ZNF138: variants seen among roughly 807,000 people sequenced by gnomAD.
ZNF138 encodes zinc finger protein 138, also known as zinc finger protein 138 (clone pHZ-32).
In ZNF138, 33 loss-of-function variants were observed where a neutral mutation model predicts 33.0. The observed-to-expected ratio is 1.00, with a 90% confidence interval of 0.76 to 1.34. The LOEUF is 1.34. Among genes scored for constraint, ZNF138 ranks in the 40% most tolerant of loss-of-function variants. ZNF138 has a pLI of 0.00. For synonymous variants in ZNF138, 139 were observed against 120.4 expected (o/e 1.15, Z -1.01); for missense variants, 360 against 370.8 (o/e 0.97, Z 0.24).
chr7:64,834,360 C>T (rs145220899), downstream of ZNF138, among the ~76,000 whole-genome samples: 234 of 152,202 alleles, frequency 1.5e-3, no homozygotes, highest in African/African-American at 5.4e-3. Flanking sequence ...ATATCTAAGG[C>T]ACTGACACTT....
the ZNF138 span, among the ~76,000 whole-genome samples, chr7:64,842,080 A>T: frequency 6.6e-6 from 1 of 152,144 alleles, no homozygotes; most frequent in Non-Finnish European, 1.5e-5. Flanking sequence ...TTATTTATTT[A>T]TGAAATGGAA....
intron 3 of ZNF138, among the ~76,000 whole-genome samples, chr7:64,825,128 C>G (rs1278582859): frequency 8.1e-6 from 1 of 123,000 alleles, no homozygotes; most frequent in Non-Finnish European, 1.6e-5. Flanking sequence ...TAAAATGAGT[C>G]TCTTGTAGGC....
chr7:64,799,602 T>C (rs1285472042), intron 1 of ZNF138, among the ~76,000 whole-genome samples: 1 of 151,964 alleles, frequency 6.6e-6, no homozygotes, highest in Non-Finnish European at 1.5e-5. Context: ...TGTTTTATTA[T>C]TTTTGTGGCA....
chr7:64,846,662 G>A, the ZNF138 span, among the ~76,000 whole-genome samples: 1 of 152,116 alleles, frequency 6.6e-6, no homozygotes. Context: ...CTTTTTGGAG[G>A]AGTCTTTAGT....
At chr7:64,828,181 G>GT (rs1427086661) in intron 3 of ZNF138, among the ~76,000 whole-genome samples, 3 of 6,556 alleles carry the variant, frequency 4.6e-4, no homozygotes, top group East Asian at 7.0e-3. Flanking sequence ...TCATAATTCT[G>GT]GTTTTTTTTT....
chr7:64,835,588 G>A (rs902565201), downstream of ZNF138: 1 of 151,586 alleles, frequency 6.6e-6, no homozygotes, highest in Non-Finnish European at 1.5e-5. Flanking sequence ...TTGTAAATTG[G>A]TCTCAACTAC....
chr7:64,814,475 T>A (rs1274275807), intron 1 of ZNF138, among the ~76,000 whole-genome samples: 2 of 152,150 alleles, frequency 1.3e-5, no homozygotes, highest in Non-Finnish European at 2.9e-5. Context: ...CTGTTAAAAA[T>A]TATTTTATGG....
chr7:64,853,175 C>T, the ZNF138 span: 5 of 1,567,456 alleles, frequency 3.2e-6, no homozygotes, highest in South Asian at 2.2e-5. Flanking sequence ...CAAGCCTTGG[C>T]ATAAAGGCTC....
intron 3 of ZNF138, among the ~76,000 whole-genome samples, chr7:64,828,924 T>G (rs1446697825): frequency 1.3e-5 from 2 of 152,176 alleles, no homozygotes; most frequent in Non-Finnish European, 2.9e-5. Flanking sequence ...CATTGAGCAG[T>G]ATGGATATAT....
rs765032249 is a variant in ZNF138 at position 64,831,827 on chromosome 7, C to G, written c.585C>G (p.Tyr195Ter). ...AAATTCATACTAGAGAGAATTTCTACAAATGTGAAGAGTGTGGAAAAACCT... is the reference window on the plus strand; with the variant it reads ...AAATTCATACTAGAGAGAATTTCTAGAAATGTGAAGAGTGTGGAAAAACCT... ...HKKIHTRENF[Y>*]KCEECGKTFN... Residue 195 changes from tyrosine (Y) to a stop codon, truncating the protein, a stop_gained, in exon 4 of 4, where the codon TAC (tyrosine) becomes TAG (stop). Transcript: ENST00000307355. LOFTEE classifies it high-confidence loss of function. 4.3e-6 allele frequency: 7 copies of G among 1,613,404 alleles called. No individual in the cohort carries two copies. The East Asian group carries it at 1.6e-4, about 36-fold the overall frequency.
rs374958623 is a variant in ZNF138, at chr7:64,808,901, G to A, written c.4-6017G>A. 1.2e-4 allele frequency among the ~76,000 whole-genome samples: 17 copies of A among 139,680 alleles called. No individual in the cohort carries two copies. In the South Asian group the frequency reaches 3.2e-3, roughly 26 times the overall value. The allele number at this position is 139,680 out of a possible 152,430, so 91.6% of individuals were successfully genotyped here. ...TGTTTCAGAGAGCACAGGGTTGGGG[G>A]TAAGGTCACAGATCAACAGGATCCC... is the stretch of plus-strand genomic sequence containing the variant. On this transcript the variant is annotated intron_variant, in intron 1 of 3. Coordinates refer to ENST00000307355, the MANE Select transcript of ZNF138 (RefSeq NM_001271639.2).
chr7:64,806,177 A>G (rs917754898), intron 1 of ZNF138, among the ~76,000 whole-genome samples: 2 of 152,200 alleles, frequency 1.3e-5, no homozygotes, highest in Non-Finnish European at 2.9e-5. Context: ...GGCCTTTCTC[A>G]GGCTTCCAGT....
chr7:64,826,515 A>C (rs1406418844), intron 3 of ZNF138, among the ~76,000 whole-genome samples: 2 of 152,146 alleles, frequency 1.3e-5, no homozygotes, highest in South Asian at 4.1e-4. Flanking sequence ...TCCTGACCTC[A>C]GGTGATCTGC....
chr7:64,809,185 C>T (rs1787867779), intron 1 of ZNF138, among the ~76,000 whole-genome samples: 1 of 41,740 alleles, frequency 2.4e-5, no homozygotes, highest in South Asian at 1.0e-3. Context: ...CCCTCACCTC[C>T]CGGGTGGGGC....
chr7:64,819,460 T>A (rs2129005685), intron 3 of ZNF138, among the ~76,000 whole-genome samples: 1 of 151,992 alleles, frequency 6.6e-6, no homozygotes, highest in Non-Finnish European at 1.5e-5. Context: ...CTCCACCTTT[T>A]AGGCTCAAGT....
At chr7:64,813,282 G>T (rs1267052563) in intron 1 of ZNF138, among the ~76,000 whole-genome samples, 1 of 152,026 alleles carries the variant, frequency 6.6e-6, no homozygotes, top group Non-Finnish European at 1.5e-5. Flanking sequence ...ATAAAATGCT[G>T]TTTTAAACAG....
intron 3 of ZNF138, among the ~76,000 whole-genome samples, chr7:64,829,243 T>A (rs1241499791): frequency 6.6e-6 from 1 of 151,384 alleles, no homozygotes; most frequent in Non-Finnish European, 1.5e-5. Context: ...TTAAGCCCTC[T>A]CTTTCCTTAC....
chr7:64,805,569 T>A (rs1011067853), intron 1 of ZNF138, among the ~76,000 whole-genome samples: 3 of 152,184 alleles, frequency 2.0e-5, no homozygotes, highest in African/African-American at 7.2e-5. Flanking sequence ...TAAGATGTAA[T>A]CTGCCAGCTG....
rs1273850785 is a variant in ZNF138 at position 64,810,434 on chromosome 7, G to A, written c.4-4484G>A. ...TTCGGCTCAGCATGAGAGGGAGACCGTGGGGAGAGGGAGAGGGAGAGGGGG... is the reference window on the plus strand; with the variant it reads ...TTCGGCTCAGCATGAGAGGGAGACCATGGGGAGAGGGAGAGGGAGAGGGGG... On this transcript the variant is annotated intron_variant, in intron 1 of 3. Coordinates refer to ENST00000307355, the MANE Select transcript of ZNF138 (RefSeq NM_001271639.2). Among the ~76,000 whole-genome samples the A allele has an allele frequency of 5.0e-4, 11 of 21,826 alleles. No homozygotes were observed. The South Asian group carries it at 8.1e-3, about 16-fold the overall frequency. 14.3% of individuals were successfully genotyped at this position (21,826 alleles called of 152,430 possible).
Sources: gnomAD v4.1 joint callset for allele counts (sites outside exome capture counted in the v4.1 genomes callset) on GRCh38, gnomAD v4.1.1 for gene constraint, MANE v1.5 for transcripts, NCBI Gene and HGNC (gene_info 2026-07-23, HGNC 2026-07-21) for gene names.